Variants in COPS2 observed in about 807,000 individuals in gnomAD.
COPS2 encodes the protein COP9 signalosome subunit 2.
Under a neutral mutation model 66.1 loss-of-function variants are expected in COPS2, and 10 were observed. That is an observed-to-expected ratio of 0.15 (90% CI 0.09 to 0.26). The LOEUF (loss-of-function observed/expected upper bound fraction) is 0.26, where lower values mean the gene tolerates loss of function less well. Ranked by LOEUF, COPS2 falls within the 10% of genes least tolerant of loss-of-function variation. The probability of loss-of-function intolerance (pLI) is 1.00; values close to 1 mark genes in which losing one functional copy is unlikely to be tolerated. For synonymous variants in COPS2, 179 were observed against 171.3 expected (o/e 1.04, Z -0.35); for missense variants, 215 against 513.3 (o/e 0.42, Z 5.62).
rs1417308083 is a variant in COPS2, at chr15:49,126,773, A to G, written c.*1177T>C. ...TCAAAGCCAGTTATATACTTTCTGCATTACCTCAAAGTTAGGTGGAAGTTT... is the reference window on the plus strand; with the variant it reads ...TCAAAGCCAGTTATATACTTTCTGCGTTACCTCAAAGTTAGGTGGAAGTTT... On this transcript the variant is annotated 3_prime_UTR_variant, in exon 13 of 13. Coordinates refer to ENST00000388901, the MANE Select transcript of COPS2 (RefSeq NM_004236.4). 1 of 152,144 alleles carries G rather than the reference A, an allele frequency of 6.6e-6. No homozygotes were observed. The highest frequency in any genetic ancestry group is 2.4e-5 in the African/African-American group (1 of 41,452). The allele number at this position is 152,144 out of a possible 1,614,324, so 9.4% of individuals were successfully genotyped here. A position where few individuals can be genotyped will look rare whatever the true frequency, so the allele number is the denominator to read the frequency against.
chr15:49,144,122 C>T lies in COPS2; in HGVS notation c.246+105G>A, dbSNP rs190989977. On this transcript the variant is annotated intron_variant, in intron 3 of 12. Coordinates refer to ENST00000388901, the MANE Select transcript of COPS2 (RefSeq NM_004236.4). Reference sequence around the variant, plus strand: ...GCAGAGCAGACTAAATATAAAAACACATCCAAAGAAGTACTTTAGAAAAGA... The same window carrying T: ...GCAGAGCAGACTAAATATAAAAACATATCCAAAGAAGTACTTTAGAAAAGA... 3.0e-5 allele frequency: 23 copies of T among 759,380 alleles called. No homozygotes were observed. In the African/African-American group the frequency reaches 4.1e-4, roughly 13 times the overall value. 47.0% of individuals were successfully genotyped at this position (759,380 alleles called of 1,614,324 possible). A position where few individuals can be genotyped will look rare whatever the true frequency, so the allele number is the denominator to read the frequency against.
In COPS2 at chr15:49,126,181, TATA is replaced by T. The variant is rs796323256; in HGVS notation, c.*1766_*1768del. 1 of 152,486 alleles carries T rather than the reference TATA, an allele frequency of 6.6e-6. No individual in the cohort carries two copies. The highest frequency in any genetic ancestry group is 2.4e-5 in the African/African-American group (1 of 41,438). The allele number at this position is 152,486 out of a possible 1,614,324, so 9.4% of individuals were successfully genotyped here. On this transcript the variant is annotated 3_prime_UTR_variant, in exon 13 of 13. Transcript: ENST00000388901. ...GTAAAAGAGAAAATACACATAATTT[TATA>T]ATATCTTAAACTTTTATTCCCTACC...
chr15:49,152,619 C>G (rs1388318744), intron 1 of COPS2, among the ~76,000 whole-genome samples: 1 of 152,068 alleles, frequency 6.6e-6, no homozygotes, highest in Non-Finnish European at 1.5e-5. Flanking sequence ...GTCAGGAGTT[C>G]AAGACCAGTC....
intron 1 of COPS2, among the ~76,000 whole-genome samples, chr15:49,151,975 T>C (rs113046466): frequency 3.9e-4 from 59 of 151,928 alleles, no homozygotes; most frequent in African/African-American, 1.4e-3. Flanking sequence ...CAAAGTGATT[T>C]AGGGTGTTAA....
Position 49,125,653 on chromosome 15 carries a change from C to T in COPS2, c.*2297G>A, listed in dbSNP as rs2084160217. 1 of 151,994 alleles carries T rather than the reference C, an allele frequency of 6.6e-6. No homozygotes were observed. The highest frequency in any genetic ancestry group is 2.1e-4 in the South Asian group (1 of 4,828). The allele number at this position is 151,994 out of a possible 1,614,324, so 9.4% of individuals were successfully genotyped here. On this transcript the variant is annotated 3_prime_UTR_variant, in exon 13 of 13. Transcript: ENST00000388901. ...GAAGAATAAATTATTTTAAGTTAGT[C>T]AGACTGTTAAGATATATTTAAAAAC...
chr15:49,144,446 AT>A, intron 2 of COPS2, 142 bp from the exon 3 acceptor site: 1 of 558,974 alleles, frequency 1.8e-6, no homozygotes, highest in Non-Finnish European at 3.1e-6. Flanking sequence ...TCTCAATGTC[AT>A]TTTTCAGTCT....
At chr15:49,129,908 C>G (rs560635233) in intron 10 of COPS2, among the ~76,000 whole-genome samples, 1 of 152,260 alleles carries the variant, frequency 6.6e-6, no homozygotes, top group Non-Finnish European at 1.5e-5. Flanking sequence ...TAGACTCTCT[C>G]AAAACCTAGA....
At chr15:49,150,225 G>A (rs2084348856) in intron 1 of COPS2, among the ~76,000 whole-genome samples, 1 of 146,678 alleles carries the variant, frequency 6.8e-6, no homozygotes, top group Non-Finnish European at 1.5e-5. Flanking sequence ...TCCAGCCTGG[G>A]CAACAGAGTA....
chr15:49,128,562 C>A (rs1566881054), intron 12 of COPS2, 140 bp downstream of exon 12: 3 of 569,846 alleles, frequency 5.3e-6, no homozygotes, highest in African/African-American at 3.8e-5. Flanking sequence ...ATCACACATA[C>A]ATATATATCT....
Position 49,139,521 on chromosome 15 carries a change from G to A in COPS2, c.372+7C>T, listed in dbSNP as rs2084276446. 6 of 1,588,538 alleles carry A rather than the reference G, an allele frequency of 3.8e-6. No individual in the cohort carries two copies. The highest frequency in any genetic ancestry group is 5.2e-6 in the Non-Finnish European group (6 of 1,159,834). On this transcript the variant is annotated splice_region_variant and intron_variant, in intron 4 of 12. Transcript: ENST00000388901. ...GATCGTCCCAAGAGGGGAAAATTGA[G>A]TCTAACCTGTTTAGAAGTAGAGATA...
At position 49,134,404 on chromosome 15, in the gene COPS2, G is replaced by C; in HGVS notation, c.651C>G (p.Leu217=). 2 of 1,613,674 alleles carry C rather than the reference G, an allele frequency of 1.2e-6. No homozygotes were observed. Among genetic ancestry groups the C allele is most frequent in the Non-Finnish European group, 1.7e-6 (2 of 1,179,928 alleles). Residue 217 remains leucine, a synonymous_variant, in exon 7 of 13, where the codon CTC becomes CTG. Coordinates refer to ENST00000388901, the MANE Select transcript of COPS2 (RefSeq NM_004236.4). ...ACTTGATGTGAAGTGACTGTTCATA[G>C]AGTGCTTTAAGTTTTTTGTTATTTT... ...AQKNNKKLKA[L]YEQSLHIKSA...
At chr15:49,137,100 CTTTT>C (rs762489387) in intron 6 of COPS2, 46 bp downstream of exon 6, 8 of 1,144,996 alleles carry the variant, frequency 7.0e-6, no homozygotes, top group Admixed American at 2.6e-5. Flanking sequence ...ATTGCTTATA[CTTTT>C]TTTTTATTAT....
chr15:49,152,696 G>A (rs543441320), intron 1 of COPS2, among the ~76,000 whole-genome samples: 4 of 152,124 alleles, frequency 2.6e-5, no homozygotes, highest in African/African-American at 7.2e-5. Flanking sequence ...GGTGGCAGGC[G>A]CCTGTAATCT....
chr15:49,155,415 A>G (rs947558889), intron 1 of COPS2, 110 bp downstream of exon 1: 3 of 966,358 alleles, frequency 3.1e-6, no homozygotes, highest in Non-Finnish European at 5.0e-6. Context: ...CCGCACTGAG[A>G]GAGGCTGTAA....
chr15:49,136,158 A>G (rs1033525212), intron 6 of COPS2, among the ~76,000 whole-genome samples: 2 of 147,262 alleles, frequency 1.4e-5, no homozygotes, highest in Non-Finnish European at 2.9e-5. Context: ...TGACACATAT[A>G]TCATTAAAAT....
chr15:49,128,797 T>C (rs1566881133), intron 11 of COPS2, 37 bp from the exon 12 acceptor site: 1 of 1,323,610 alleles, frequency 7.6e-7, no homozygotes, highest in Non-Finnish European at 1.1e-6. Context: ...AATTAACATT[T>C]TAAAGACTTC....
chr15:49,134,067 T>C lies in COPS2; in HGVS notation c.757A>G (p.Lys253Glu). The stretch of plus-strand genomic sequence containing the variant: ...GCTTCAAAAAAATCAGTGTGTGCCT[T>C]TTCAAATTCACCTTCCCTCAAGTGC... Reference protein sequence around the residue: ...KMHLREGEFEKAHTDFFEAFK... With the variant: ...KMHLREGEFEEAHTDFFEAFK... Residue 253 changes from lysine to glutamate, a missense_variant, in exon 8 of 13, where the codon AAG becomes GAG. By Grantham distance (56) the Lys-to-Glu change is moderately conservative. Coordinates refer to ENST00000388901, the MANE Select transcript of COPS2 (RefSeq NM_004236.4). The C allele has an allele frequency of 2.5e-6, 4 of 1,613,340 alleles. No homozygotes were observed. Among genetic ancestry groups the C allele is most frequent in the Non-Finnish European group, 3.4e-6 (4 of 1,179,778 alleles).
rs1482353931 is a variant in COPS2 at position 49,124,692 on chromosome 15, T to A, written c.*3258A>T. ...TTTATCTTCTTCAAAATGCTAGAAA[T>A]ATTTAGTCATAAATCCCATATGAAG... On this transcript the variant is annotated 3_prime_UTR_variant, in exon 13 of 13. Coordinates refer to ENST00000388901, the MANE Select transcript of COPS2 (RefSeq NM_004236.4). 6.6e-6 allele frequency: 1 copy of A among 152,182 alleles called. No individual in the cohort carries two copies. The allele number at this position is 152,182 out of a possible 1,614,324, so 9.4% of individuals were successfully genotyped here. A position where few individuals can be genotyped will look rare whatever the true frequency, so the allele number is the denominator to read the frequency against.
chr15:49,141,550 A>G (rs1024229932), intron 3 of COPS2, among the ~76,000 whole-genome samples: 1 of 152,162 alleles, frequency 6.6e-6, no homozygotes, highest in Non-Finnish European at 1.5e-5. Context: ...ATGTTATAAT[A>G]ATTTATAGCT....
Sources: gnomAD v4.1 joint callset for allele counts (sites outside exome capture counted in the v4.1 genomes callset) on GRCh38, gnomAD v4.1.1 for gene constraint, MANE v1.5 for transcripts, NCBI Gene and HGNC (gene_info 2026-07-23, HGNC 2026-07-21) for gene names.